Variants in APC observed in about 807,000 individuals in gnomAD.
APC encodes the protein APC regulator of Wnt signaling pathway.
In APC, 72 loss-of-function variants were observed where a neutral mutation model predicts 247.0. The ratio of observed to expected loss-of-function variants is 0.29; its 90% CI spans 0.24 to 0.35. The LOEUF (loss-of-function observed/expected upper bound fraction) is 0.35, where lower values mean the gene tolerates loss of function less well. Ranked by LOEUF, APC falls within the 10% of genes least tolerant of loss-of-function variation. The pLI is 1.00. For missense variants in APC, 3,400 were observed against 3,360.7 expected, an observed-to-expected ratio of 1.01 and a Z score of -0.29; for synonymous variants, 1,254 against 1,162.5, an observed-to-expected ratio of 1.08 and a Z score of -1.60.
intron 14 of APC, among the ~76,000 whole-genome samples, chr5:112,830,179 A>G (rs1008497741): frequency 8.5e-5 from 13 of 152,220 alleles, no homozygotes; most frequent in Non-Finnish European, 1.5e-5. Context: ...ATAGAAAAGC[A>G]TTCAGCTAAA....
intron 11 of APC, 83 bp from the exon 12 acceptor site, chr5:112,827,025 T>TC (rs1221919628): frequency 7.3e-7 from 1 of 1,368,250 alleles, no homozygotes; most frequent in East Asian, 2.3e-5. Context: ...AGTTTTTTTT[T>TC]CCTAGTATTT....
chr5:112,767,524 A>C, intron 4 of APC, 134 bp downstream of exon 4: 1 of 694,684 alleles, frequency 1.4e-6, no homozygotes, highest in Non-Finnish European at 2.4e-6. Flanking sequence ...TTAAACTCAA[A>C]GATAGCATGT....
rs767921544 is a variant in APC, at chr5:112,845,534, T to G, written c.*1408T>G. 18 of 233,094 alleles carry G rather than the reference T, an allele frequency of 7.7e-5. No homozygotes were observed. The highest frequency in any genetic ancestry group is 1.4e-4 in the Non-Finnish European group (17 of 117,756). The allele number at this position is 233,094 out of a possible 1,614,324, so 14.4% of individuals were successfully genotyped here. On this transcript the variant is annotated 3_prime_UTR_variant, in exon 16 of 16. Coordinates refer to ENST00000257430, the MANE Select transcript of APC (RefSeq NM_000038.6). ...CAGCAGTGAAGTATAATCAGCACTT[T>G]GCCATGCTCAGAAAATTCAAATCAC...
intron 8 of APC, among the ~76,000 whole-genome samples, chr5:112,809,318 C>T (rs1761742884): frequency 6.6e-6 from 1 of 152,032 alleles, no homozygotes; most frequent in Non-Finnish European, 1.5e-5. Flanking sequence ...CACTGTACTC[C>T]AGCCTAGGCA....
In APC at chr5:112,767,409, G is replaced by C. The variant is rs767046355; in HGVS notation, c.422+19G>C. On this transcript the variant is annotated intron_variant, in intron 4 of 15. Coordinates refer to ENST00000257430, the MANE Select transcript of APC (RefSeq NM_000038.6). ...AAGAGAGGTAACTTTTCTTCATATA[G>C]TAAACATTGCCTTGTGTACTCCAGT... is the stretch of plus-strand genomic sequence containing the variant. 2.7e-5 allele frequency: 42 copies of C among 1,576,514 alleles called. No individual in the cohort carries two copies. Among genetic ancestry groups the C allele is most frequent in the Non-Finnish European group, 3.4e-5 (39 of 1,146,000 alleles).
intron 1 of APC, among the ~76,000 whole-genome samples, chr5:112,712,277 C>T (rs1561397368): frequency 6.6e-6 from 1 of 152,138 alleles, no homozygotes; most frequent in African/African-American, 2.4e-5. Flanking sequence ...ACTTCCATTT[C>T]CTCCTGTATA....
At chr5:112,741,621 A>G (rs1753034638) in intron 1 of APC, among the ~76,000 whole-genome samples, 2 of 152,204 alleles carry the variant, frequency 1.3e-5, no homozygotes. Flanking sequence ...ATTGTGATAA[A>G]TATACATAAA....
chr5:112,709,054 G>A (rs1216123474), intron 1 of APC, among the ~76,000 whole-genome samples: 1 of 152,186 alleles, frequency 6.6e-6, no homozygotes. Context: ...GTAGAAGTGA[G>A]ATTAAAAATA....
chr5:112,745,633 G>T (rs1047975384), intron 1 of APC, among the ~76,000 whole-genome samples: 5 of 151,498 alleles, frequency 3.3e-5, no homozygotes, highest in Non-Finnish European at 2.9e-5. Flanking sequence ...TTGCAATCTC[G>T]GCTCACAGCA....
chr5:112,708,919 G>T (rs1169929161), intron 1 of APC, among the ~76,000 whole-genome samples: 1 of 152,198 alleles, frequency 6.6e-6, no homozygotes, highest in East Asian at 1.9e-4. Context: ...AAATAACGTA[G>T]TACCTTGCCA....
intron 2 of APC, 84 bp downstream of exon 2, chr5:112,755,109 T>G: frequency 6.4e-7 from 1 of 1,571,742 alleles, no homozygotes; most frequent in Non-Finnish European, 8.7e-7. Context: ...GACACTTTAC[T>G]TAAAAGTGTA....
Position 112,839,722 on chromosome 5 carries a change from T to C in APC, c.4128T>C (p.Tyr1376=), listed in dbSNP as rs1554085539. The C allele has an allele frequency of 6.2e-7, 1 of 1,614,138 alleles. No individual in the cohort carries two copies. Among genetic ancestry groups the C allele is most frequent in the Non-Finnish European group, 8.5e-7 (1 of 1,180,016 alleles). The change falls in exon 16 of 16, where the codon TAT becomes TAC. Residue 1376 remains tyrosine (Y), a synonymous_variant. Coordinates refer to ENST00000257430, the MANE Select transcript of APC (RefSeq NM_000038.6). This position sits in a 1 kb window ranked among gnomAD's most constrained non-coding sequence, Gnocchi z 5.0. The stretch of plus-strand genomic sequence containing the variant: ...CACCCAAAAGTCCACCTGAACACTA[T>C]GTTCAGGAGACCCCACTCATGTTTA... ...AQTPKSPPEH[Y]VQETPLMFSR...
At chr5:112,776,989 T>C (rs1757732304) in intron 5 of APC, among the ~76,000 whole-genome samples, 1 of 152,238 alleles carries the variant, frequency 6.6e-6, no homozygotes, top group Non-Finnish European at 1.5e-5. Context: ...AATGGTAACA[T>C]TTTTCATTTT....
At chr5:112,731,058 A>G (rs1327038465) in intron 1 of APC, among the ~76,000 whole-genome samples, 1 of 151,820 alleles carries the variant, frequency 6.6e-6, no homozygotes, top group Non-Finnish European at 1.5e-5. Flanking sequence ...TATGGATTAT[A>G]TAATTATATA....
Position 112,843,987 on chromosome 5 carries a change from C to T in APC, c.8393C>T (p.Thr2798Ile), listed in dbSNP as rs1324997321. 6.2e-7 allele frequency: 1 copy of T among 1,601,386 alleles called. No individual in the cohort carries two copies. ...PSPRKSSADS[T>I]SARPSQIPTP... The stretch of plus-strand genomic sequence containing the variant: ...CCTAGGAAAAGCAGCGCAGATAGCA[C>T]TTCAGCTCGGCCATCTCAGATCCCA... Residue 2798 changes from threonine (T) to isoleucine (I), a missense_variant, in exon 16 of 16, where the codon ACT (threonine) becomes ATT (isoleucine). Transcript: ENST00000257430. This position sits in a 1 kb window ranked among gnomAD's most constrained non-coding sequence, Gnocchi z 4.8.
chr5:112,772,703 G>T (rs1444689039), intron 4 of APC, among the ~76,000 whole-genome samples: 1 of 151,986 alleles, frequency 6.6e-6, no homozygotes, highest in Non-Finnish European at 1.5e-5. Context: ...TTTTAGTAGA[G>T]ACGGGGTTTC....
chr5:112,747,120 C>T (rs1258656946), intron 1 of APC, among the ~76,000 whole-genome samples: 1 of 152,182 alleles, frequency 6.6e-6, no homozygotes, highest in African/African-American at 2.4e-5. Flanking sequence ...TGAGCCACCA[C>T]ACCTGGCCAT....
chr5:112,836,176 C>A lies in APC; in HGVS notation c.1958+1011C>A, dbSNP rs1460661255. ...GCTGGGATTACAGGTCCCCCCCCCC[C>A]CCCGCCACCGTGCCCGGCTAATTTT... On this transcript the variant is annotated intron_variant, in intron 15 of 15. Coordinates refer to ENST00000257430, the MANE Select transcript of APC (RefSeq NM_000038.6). Among the ~76,000 whole-genome samples the A allele has an allele frequency of 7.3e-5, 6 of 82,066 alleles. 2 individuals carry two copies. 53.8% of individuals were successfully genotyped at this position (82,066 alleles called of 152,430 possible).
At position 112,804,211 on chromosome 5, in the gene APC, G is replaced by A. The variant is rs147477021; in HGVS notation, c.834+2828G>A. Among the ~76,000 whole-genome samples, 464 of 152,178 alleles carry A rather than the reference G, an allele frequency of 3.0e-3. 2 individuals are homozygous for A. Among genetic ancestry groups the A allele is most frequent in the African/African-American group, 0.011 (436 of 41,500 alleles). ...GAATAAATAAAGTACTCTTTGATAC[G>A]CTGTATTCCTGCTCTCATAGTGCTT... On this transcript the variant is annotated intron_variant, in intron 8 of 15. Transcript: ENST00000257430.
Sources: gnomAD v4.1 joint callset for allele counts (sites outside exome capture counted in the v4.1 genomes callset) on GRCh38, gnomAD v4.1.1 for gene constraint, Gnocchi (gnomAD v3.1) non-coding constraint, MANE v1.5 for transcripts, NCBI Gene and HGNC (gene_info 2026-07-23, HGNC 2026-07-21) for gene names.